The following HPCAL4 variants were observed in gnomAD, a reference collection of about 807,000 sequenced individuals.
The protein encoded by HPCAL4 is hippocalcin-like protein 4.
A neutral mutation model predicts 18.2 loss-of-function variants in HPCAL4; 16 were observed. The ratio of observed to expected loss-of-function variants is 0.88; its 90% CI spans 0.59 to 1.33. The LOEUF (loss-of-function observed/expected upper bound fraction) is 1.33. Ranked by LOEUF, HPCAL4 falls within the 40% of genes most tolerant of loss-of-function variation. The probability of loss-of-function intolerance (pLI) is 0.00; values close to 1 mark genes in which losing one functional copy is unlikely to be tolerated. For missense variants in HPCAL4, 214 were observed against 256.6 expected, an observed-to-expected ratio of 0.83 and a Z score of 1.14; for synonymous variants, 80 against 97.5, an observed-to-expected ratio of 0.82 and a Z score of 1.06.
At chr1:39,682,913 C>T (rs753781896) in intron 3 of HPCAL4, among the ~76,000 whole-genome samples, 180 bp from the exon 4 acceptor site, 14 of 151,860 alleles carry the variant, frequency 9.2e-5, no homozygotes, top group Non-Finnish European at 1.5e-4. Context: ...AACAGAGTTT[C>T]GATCTTGTTG....
Position 39,684,625 on chromosome 1 carries a change from G to A in HPCAL4, c.-8-14C>T. On this transcript the variant is annotated splice_polypyrimidine_tract_variant and intron_variant, in intron 1 of 3. Coordinates refer to ENST00000372844, the MANE Select transcript of HPCAL4 (RefSeq NM_016257.4). ...CCATGGCGGGGCCTGTGGGACAGAG[G>A]GATTCCTCCGACTGGGTCCAGGGAA... 1.3e-6 allele frequency: 2 copies of A among 1,559,476 alleles called. No homozygotes were observed. The highest frequency in any genetic ancestry group is 1.7e-6 in the Non-Finnish European group (2 of 1,154,480).
chr1:39,685,051 C>G lies in HPCAL4; in HGVS notation c.-8-440G>C, dbSNP rs141739526. Among the ~76,000 whole-genome samples, 964 of 152,344 alleles carry G rather than the reference C, an allele frequency of 6.3e-3. 12 individuals carry two copies. Among genetic ancestry groups the G allele is most frequent in the African/African-American group, 0.022 (911 of 41,570 alleles). ...TGGCACTGTCTCCCAATTTCTTCCT[C>G]AAGGCTTTCTTGGGCCACCCCAGCA... On this transcript the variant is annotated intron_variant, in intron 1 of 3. Coordinates refer to ENST00000372844, the MANE Select transcript of HPCAL4 (RefSeq NM_016257.4).
At chr1:39,690,874 G>A (rs557009128) in intron 1 of HPCAL4, among the ~76,000 whole-genome samples, 1 of 152,034 alleles carries the variant, frequency 6.6e-6, no homozygotes, top group East Asian at 1.9e-4. Context: ...AAGTGGCTAG[G>A]GGCTATCCGT....
At position 39,682,736 on chromosome 1, in the gene HPCAL4, G is replaced by A. The variant is rs776786284; in HGVS notation, c.379-3C>T. The stretch of plus-strand genomic sequence containing the variant: ...GTGCCCACCATCTTGTAGATTGCCT[G>A]GTGAGGGAAGGAGGAGGGAGGTGTG... On this transcript the variant is annotated splice_polypyrimidine_tract_variant and splice_region_variant and intron_variant, in intron 3 of 3. Coordinates refer to ENST00000372844, the MANE Select transcript of HPCAL4 (RefSeq NM_016257.4). 11 of 1,613,832 alleles carry A rather than the reference G, an allele frequency of 6.8e-6. No homozygotes were observed. In the South Asian group the frequency reaches 1.2e-4, roughly 18 times the overall value.
intron 1 of HPCAL4, among the ~76,000 whole-genome samples, chr1:39,688,759 C>T (rs1460661809): frequency 2.6e-5 from 4 of 152,310 alleles, no homozygotes; most frequent in African/African-American, 4.8e-5. Context: ...CAGCCAGACA[C>T]GCCTCACCTC....
In HPCAL4 at chr1:39,682,475, G is replaced by T. The variant is rs990726874; in HGVS notation, c.*61C>A. 1.3e-6 allele frequency: 2 copies of T among 1,538,080 alleles called. No homozygotes were observed. Among genetic ancestry groups the T allele is most frequent in the African/African-American group, 1.4e-5 (1 of 73,650 alleles). On this transcript the variant is annotated 3_prime_UTR_variant, in exon 4 of 4. Coordinates refer to ENST00000372844, the MANE Select transcript of HPCAL4 (RefSeq NM_016257.4). ...TCCTCCTGGGAGGCCAGCCAGAGAG[G>T]TCATCAGGTTGGGAGGTGGCCATGC...
chr1:39,682,850 T>C, intron 3 of HPCAL4, 117 bp from the exon 4 acceptor site: 1 of 719,630 alleles, frequency 1.4e-6, no homozygotes, highest in Non-Finnish European at 2.4e-6. Context: ...TACTGGAAGG[T>C]ATATGTGGTC....
intron 1 of HPCAL4, among the ~76,000 whole-genome samples, chr1:39,686,143 T>C (rs1163136945): frequency 7.0e-6 from 1 of 143,392 alleles, no homozygotes; most frequent in East Asian, 2.1e-4. Flanking sequence ...ATCGCTCCAC[T>C]GCACTCCAGC....
In HPCAL4 at chr1:39,691,420, C is replaced by G. The variant is rs1000674863; in HGVS notation, c.-123G>C. 2.0e-5 allele frequency: 3 copies of G among 152,276 alleles called. No homozygotes were observed. In the East Asian group the frequency reaches 5.8e-4, roughly 29 times the overall value. 9.4% of individuals were successfully genotyped at this position (152,276 alleles called of 1,614,324 possible). On this transcript the variant is annotated 5_prime_UTR_variant, in exon 1 of 4. Coordinates refer to ENST00000372844, the MANE Select transcript of HPCAL4 (RefSeq NM_016257.4). The stretch of plus-strand genomic sequence containing the variant: ...CCAAGGTCTGCGCCGGAGCCGCCTT[C>G]CAGCTCTTGTATCACTATGTGCCTC...
intron 1 of HPCAL4, among the ~76,000 whole-genome samples, chr1:39,690,040 A>AATAGAAGGGCC (rs1403927133): frequency 2.0e-5 from 3 of 151,914 alleles, no homozygotes; most frequent in African/African-American, 7.3e-5. Context: ...TCTAGGAGGG[A>AATAGAAGGGCC]CTCCTAATAG....
intron 1 of HPCAL4, among the ~76,000 whole-genome samples, chr1:39,685,266 T>C (rs1646663573): frequency 6.6e-6 from 1 of 152,136 alleles, no homozygotes; most frequent in Non-Finnish European, 1.5e-5. Flanking sequence ...AGGCAGATGG[T>C]TGGTTACAAA....
At chr1:39,684,191 C>A in intron 2 of HPCAL4, 39 bp from the exon 3 acceptor site, 1 of 1,160,698 alleles carries the variant, frequency 8.6e-7, no homozygotes, top group South Asian at 1.3e-5. Flanking sequence ...AGCGACAGCC[C>A]CGCCCACCCC....
In HPCAL4 at chr1:39,684,067, C is replaced by T. The variant is rs774410075; in HGVS notation, c.248G>A (p.Arg83Gln). Residue 83 changes from arginine (R) to glutamine (Q), a missense_variant, in exon 3 of 4, where the codon CGG (arginine) becomes CAG (glutamine). Coordinates refer to ENST00000372844, the MANE Select transcript of HPCAL4 (RefSeq NM_016257.4). ...GACCGACAGGGCGCAGATGAACTCCCGGAAGTCGATGGTGCCGTCGCCGTT... is the reference window on the plus strand; with the variant it reads ...GACCGACAGGGCGCAGATGAACTCCTGGAAGTCGATGGTGCCGTCGCCGTT... ...DKNGDGTIDF[R>Q]EFICALSVTS... The T allele has an allele frequency of 3.7e-6, 6 of 1,613,990 alleles. No homozygotes were observed. The highest frequency in any genetic ancestry group is 5.1e-6 in the Non-Finnish European group (6 of 1,179,908).
intron 1 of HPCAL4, among the ~76,000 whole-genome samples, chr1:39,688,936 C>A (rs774773003): frequency 5.3e-5 from 8 of 152,162 alleles, no homozygotes; most frequent in Non-Finnish European, 1.2e-4. Flanking sequence ...GTCAGTCCCC[C>A]ACAGGCGTGT....
chr1:39,688,726 C>CTCCT lies in HPCAL4; in HGVS notation c.-9+2576_-9+2579dup, dbSNP rs3834096. ...CTCATTGCTCACTCACCACCGCATA[C>CTCCT]TCCTCTCAAGCCAGCCTTCTCACAG... On this transcript the variant is annotated intron_variant, in intron 1 of 3. Transcript: ENST00000372844. 2.5e-4 allele frequency among the ~76,000 whole-genome samples: 38 copies of CTCCT among 152,336 alleles called. No homozygotes were observed. The East Asian group carries it at 6.9e-3, about 28-fold the overall frequency.
At chr1:39,682,780 C>T (rs780425325) in intron 3 of HPCAL4, 47 bp from the exon 4 acceptor site, 12 of 1,497,144 alleles carry the variant, frequency 8.0e-6, no homozygotes, top group Admixed American at 3.4e-5. Context: ...CAAGGGGCCC[C>T]GAGAAGCAGC....
At chr1:39,683,820 G>T in intron 3 of HPCAL4, 117 bp downstream of exon 3, 1 of 862,716 alleles carries the variant, frequency 1.2e-6, no homozygotes, top group Non-Finnish European at 1.8e-6. Flanking sequence ...GGTAGGAGGC[G>T]GGATCGCAGG....
At chr1:39,687,304 A>C (rs1646683051) in intron 1 of HPCAL4, among the ~76,000 whole-genome samples, 2 of 152,192 alleles carry the variant, frequency 1.3e-5, no homozygotes, top group African/African-American at 2.4e-5. Context: ...GGCAGGCCTC[A>C]CCCCTCTCCC....
At chr1:39,685,612 G>A (rs189045128) in intron 1 of HPCAL4, among the ~76,000 whole-genome samples, 3 of 152,270 alleles carry the variant, frequency 2.0e-5, no homozygotes, top group African/African-American at 7.2e-5. Context: ...GGGCACGGTG[G>A]CTCACACCTG....
Sources: gnomAD v4.1 joint callset for allele counts (sites outside exome capture counted in the v4.1 genomes callset) on GRCh38, gnomAD v4.1.1 for gene constraint, MANE v1.5 for transcripts, NCBI Gene and HGNC (gene_info 2026-07-23, HGNC 2026-07-21) for gene names.